The following RXRA variants were observed in gnomAD, a reference collection of about 807,000 sequenced individuals.
RXRA encodes the protein retinoic acid receptor RXR-alpha.
RXRA carries 5 observed loss-of-function variants against 44.5 expected under a neutral mutation model. The ratio of observed to expected loss-of-function variants is 0.11; its 90% CI spans 0.06 to 0.24. RXRA has a LOEUF of 0.24. Ranked by LOEUF, RXRA falls within the 10% of genes least tolerant of loss-of-function variation. The probability of loss-of-function intolerance (pLI) is 1.00; values close to 1 mark genes in which losing one functional copy is unlikely to be tolerated. For synonymous variants in RXRA, 291 were observed against 271.4 expected, an observed-to-expected ratio of 1.07 and a Z score of -0.71; for missense variants, 412 against 646.5, an observed-to-expected ratio of 0.64 and a Z score of 3.93.
chr9:134,363,146 G>A (rs1275024968), intron 1 of RXRA, among the ~76,000 whole-genome samples: 1 of 152,188 alleles, frequency 6.6e-6, no homozygotes, highest in African/African-American at 2.4e-5. Context: ...CCTGTGCCAT[G>A]TGCCCTGTGC....
chr9:134,378,349 C>T (rs1286393364), intron 1 of RXRA, among the ~76,000 whole-genome samples: 1 of 43,448 alleles, frequency 2.3e-5, no homozygotes, highest in African/African-American at 5.8e-5. Context: ...GCGTGTGTGC[C>T]GGCCAGCGCC....
chr9:134,396,807 A>G (rs781699505), intron 1 of RXRA, among the ~76,000 whole-genome samples: 4 of 152,018 alleles, frequency 2.6e-5, no homozygotes, highest in Non-Finnish European at 5.9e-5. Context: ...TCTGTTTTTC[A>G]TCTAGACAGG....
chr9:134,340,723 G>A (rs1830076222), intron 1 of RXRA, among the ~76,000 whole-genome samples: 1 of 152,188 alleles, frequency 6.6e-6, no homozygotes, highest in Admixed American at 6.5e-5. Flanking sequence ...CAGGTAGATT[G>A]GATGTGTGAG....
chr9:134,407,108 A>G lies in RXRA; in HGVS notation c.280-1041A>G, dbSNP rs1741751620. 6.6e-6 allele frequency among the ~76,000 whole-genome samples: 1 copy of G among 152,210 alleles called. No homozygotes were observed. The highest frequency in any genetic ancestry group is 2.1e-4 in the South Asian group (1 of 4,830). On this transcript the variant is annotated intron_variant, in intron 2 of 9. Transcript: ENST00000481739. This position sits in a 1 kb window ranked among gnomAD's most constrained non-coding sequence, Gnocchi z 4.8. ...CACAGCCCACCTGGGCAGATCGAGG[A>G]AGAACCTAGAAGCCAGAACAAGCTG... is the stretch of plus-strand genomic sequence containing the variant.
chr9:134,389,063 A>G (rs1830762479), intron 1 of RXRA, among the ~76,000 whole-genome samples: 1 of 152,128 alleles, frequency 6.6e-6, no homozygotes, highest in South Asian at 2.1e-4. Flanking sequence ...TGGTCCTCCA[A>G]GGAGGGGTTT....
chr9:134,349,838 C>T lies in RXRA; in HGVS notation c.28+23179C>T, dbSNP rs189855778. 1.1e-4 allele frequency among the ~76,000 whole-genome samples: 17 copies of T among 151,966 alleles called. No individual in the cohort carries two copies. The South Asian group carries it at 2.7e-3, about 24-fold the overall frequency. ...CTAGCTCGGGTGGGCGGGCGGGTGC[C>T]GCAGGCTCTCCTGTGGTAGGAGTCG... On this transcript the variant is annotated intron_variant, in intron 1 of 9. Transcript: ENST00000481739. The surrounding 1 kb of genome is among the most constrained non-coding windows in gnomAD (Gnocchi z 4.3).
chr9:134,371,002 G>T (rs990049298), intron 1 of RXRA, among the ~76,000 whole-genome samples: 3 of 151,834 alleles, frequency 2.0e-5, no homozygotes, highest in Non-Finnish European at 4.4e-5. Context: ...GGAAGAGGCC[G>T]CATCAGCCTC....
At chr9:134,372,447 C>G (rs1270666627) in intron 1 of RXRA, among the ~76,000 whole-genome samples, 1 of 152,136 alleles carries the variant, frequency 6.6e-6, no homozygotes. Flanking sequence ...AGGCCTGGCC[C>G]TGGGACTGTC....
At chr9:134,424,272 A>G in intron 6 of RXRA, 2 of 985,322 alleles carry the variant, frequency 2.0e-6, no homozygotes, top group Non-Finnish European at 2.4e-6. Flanking sequence ...ATGAGTCCCC[A>G]GGCCCTTCTA....
intron 1 of RXRA, among the ~76,000 whole-genome samples, chr9:134,357,168 G>T (rs1830293503): frequency 1.3e-5 from 2 of 152,198 alleles, no homozygotes; most frequent in Non-Finnish European, 2.9e-5. Flanking sequence ...TGAGAAATTC[G>T]ATGGAGCAGA....
At chr9:134,385,127 A>T (rs1043240497) in intron 1 of RXRA, among the ~76,000 whole-genome samples, 1 of 152,176 alleles carries the variant, frequency 6.6e-6, no homozygotes, top group African/African-American at 2.4e-5. Flanking sequence ...TGGGCAGGGC[A>T]GCCTGTTGTG....
intron 1 of RXRA, among the ~76,000 whole-genome samples, chr9:134,389,881 C>T (rs557536490): frequency 2.0e-5 from 3 of 152,194 alleles, no homozygotes; most frequent in Non-Finnish European, 4.4e-5. Context: ...AGCTGCAGCC[C>T]CGTCTCAGGT....
intron 4 of RXRA, among the ~76,000 whole-genome samples, chr9:134,416,616 A>C (rs3118536): frequency 0.86 from 131,349 of 151,988 alleles, 57,156 homozygotes; most frequent in African/African-American, 0.97. Flanking sequence ...CGGTTTCCTG[A>C]TTGCCCAGGT....
At chr9:134,382,400 G>A (rs1443859772) in intron 1 of RXRA, among the ~76,000 whole-genome samples, 1 of 152,122 alleles carries the variant, frequency 6.6e-6, no homozygotes, top group Admixed American at 6.5e-5. Context: ...CCAGGAGCTG[G>A]GTGCTGAGGA....
chr9:134,417,854 G>T lies in RXRA; in HGVS notation c.780+527G>T, dbSNP rs1370272217. Among the ~76,000 whole-genome samples, 1 of 152,000 alleles carries T rather than the reference G, an allele frequency of 6.6e-6. No individual in the cohort carries two copies. Among genetic ancestry groups the T allele is most frequent in the Non-Finnish European group, 1.5e-5 (1 of 67,956 alleles). On this transcript the variant is annotated intron_variant, in intron 5 of 9. Transcript: ENST00000481739. The surrounding 1 kb of genome is among the most constrained non-coding windows in gnomAD (Gnocchi z 6.1). The stretch of plus-strand genomic sequence containing the variant: ...GAAGCAGCTCTGCAGCCCCCCAGCT[G>T]GTCACCCCCATGCTGACCCTCCTGC...
At chr9:134,397,020 C>T (rs1830890294) in intron 1 of RXRA, among the ~76,000 whole-genome samples, 1 of 152,236 alleles carries the variant, frequency 6.6e-6, no homozygotes. Context: ...ACCTTCTCTG[C>T]CTCCCCCGCC....
At position 134,349,545 on chromosome 9, in the gene RXRA, C is replaced by T. The variant is rs1554749213; in HGVS notation, c.28+22886C>T. On this transcript the variant is annotated intron_variant, in intron 1 of 9. Transcript: ENST00000481739. The surrounding 1 kb of genome is among the most constrained non-coding windows in gnomAD (Gnocchi z 4.3). ...AGCTCGTGGCGGGCAGGAGTGTGCA[C>T]GGACAGGGACCCAGCAACTTGGCGA... 2.6e-5 allele frequency among the ~76,000 whole-genome samples: 4 copies of T among 152,122 alleles called. No homozygotes were observed. The highest frequency in any genetic ancestry group is 4.1e-4 in the South Asian group (2 of 4,834).
At position 134,366,275 on chromosome 9, in the gene RXRA, C is replaced by T. The variant is rs914428308; in HGVS notation, c.29-35357C>T. ...CGCTGGGTGGTCTCCCATGTGTGCC[C>T]AGGAGGAGTGCCACAGCCTCTCCCT... On this transcript the variant is annotated intron_variant, in intron 1 of 9. Coordinates refer to ENST00000481739, the MANE Select transcript of RXRA (RefSeq NM_002957.6). The surrounding 1 kb of genome is among the most constrained non-coding windows in gnomAD (Gnocchi z 5.9). Among the ~76,000 whole-genome samples, 3 of 152,200 alleles carry T rather than the reference C, an allele frequency of 2.0e-5. No homozygotes were observed. The highest frequency in any genetic ancestry group is 1.3e-4 in the Admixed American group (2 of 15,304).
rs1554748294 is a variant in RXRA at position 134,343,028 on chromosome 9, A to G, written c.28+16369A>G. 6.6e-6 allele frequency among the ~76,000 whole-genome samples: 1 copy of G among 152,114 alleles called. No individual in the cohort carries two copies. Among genetic ancestry groups the G allele is most frequent in the Non-Finnish European group, 1.5e-5 (1 of 67,992 alleles). ...CCTCCTTCTAGAGAGGCCCCAGCAG[A>G]TTATGGGATTTTCACCTGCCCAGCC... On this transcript the variant is annotated intron_variant, in intron 1 of 9. Transcript: ENST00000481739. The surrounding 1 kb of genome is among the most constrained non-coding windows in gnomAD (Gnocchi z 4.1).
Sources: gnomAD v4.1 joint callset for allele counts (sites outside exome capture counted in the v4.1 genomes callset) on GRCh38, gnomAD v4.1.1 for gene constraint, Gnocchi (gnomAD v3.1) non-coding constraint, MANE v1.5 for transcripts, NCBI Gene and HGNC (gene_info 2026-07-23, HGNC 2026-07-21) for gene names.